The following DYNC2I2 variants were observed in gnomAD, a reference collection of about 807,000 sequenced individuals.
DYNC2I2 encodes dynein 2 intermediate chain 2.
Under a neutral mutation model 52.0 loss-of-function variants are expected in DYNC2I2, and 39 were observed. That is an observed-to-expected ratio of 0.75 (90% CI 0.58 to 0.98). The LOEUF (loss-of-function observed/expected upper bound fraction) is 0.98, where lower values mean the gene tolerates loss of function less well. DYNC2I2 is among the 50% of genes least tolerant of loss of function. The pLI, the probability that DYNC2I2 is intolerant of heterozygous loss-of-function variation, is 0.00. For missense variants in DYNC2I2, 743 were observed against 728.4 expected, an observed-to-expected ratio of 1.02 and a Z score of -0.23; for synonymous variants, 359 against 321.1, an observed-to-expected ratio of 1.12 and a Z score of -1.26.
chr9:128,633,959 G>C lies in DYNC2I2; in HGVS notation c.1396C>G (p.Gln466Glu). The C allele has an allele frequency of 6.2e-7, 1 of 1,613,052 alleles. No homozygotes were observed. Among genetic ancestry groups the C allele is most frequent in the Non-Finnish European group, 8.5e-7 (1 of 1,180,040 alleles). ...GKGDVQLFDL[Q>E]KSSQKPTVLI... ...ACTGTGGGTTTCTGGGAGCTTTTCT[G>C]GAGATCAAACAGCTGCACGTCACCT... The change falls in exon 9 of 9, where the codon CAG (glutamine) becomes GAG (glutamate). Residue 466 changes from glutamine (Q) to glutamate (E), a missense_variant. Physicochemically the swap from Gln to Glu is conservative, Grantham distance 29. Coordinates refer to ENST00000372715, the MANE Select transcript of DYNC2I2 (RefSeq NM_052844.4).
At chr9:128,639,357 C>T (rs558801606) in intron 2 of DYNC2I2, among the ~76,000 whole-genome samples, 373 of 152,050 alleles carry the variant, frequency 2.5e-3, no homozygotes, top group Middle Eastern at 6.8e-3. Context: ...AAGATCATGC[C>T]ACTGCACTCC....
intron 2 of DYNC2I2, among the ~76,000 whole-genome samples, chr9:128,637,391 G>A (rs1262309667): frequency 3.3e-5 from 5 of 152,202 alleles, no homozygotes; most frequent in African/African-American, 9.6e-5. Flanking sequence ...CGAACCACCC[G>A]ACGTCACGCT....
chr9:128,659,108 C>T (rs1030947921), upstream of DYNC2I2, among the ~76,000 whole-genome samples: 1 of 151,950 alleles, frequency 6.6e-6, no homozygotes, highest in African/African-American at 2.4e-5. Flanking sequence ...TCTCTCCACC[C>T]CATGGCCTCT....
chr9:128,683,002 A>G, the DYNC2I2 span, among the ~76,000 whole-genome samples: 1 of 146,012 alleles, frequency 6.8e-6, no homozygotes, highest in East Asian at 2.1e-4. Context: ...AAAAAAAAAA[A>G]GTCTTTTTTT....
chr9:128,653,609 G>A (rs962886473), intron 1 of DYNC2I2, among the ~76,000 whole-genome samples: 3 of 150,234 alleles, frequency 2.0e-5, no homozygotes, highest in Admixed American at 6.6e-5. Context: ...CCAGCTACTC[G>A]GGAAGCTGAG....
chr9:128,656,654 C>G lies in DYNC2I2; in HGVS notation c.73G>C (p.Gly25Arg). ...SAGVAALATV[G>R]VASGPGPGRP... ...CCCGGCCCCGGGCCGCTCGCAACCC[C>G]GACTGTCGCCAGCGCCGCAACACCA... Residue 25 changes from glycine (G) to arginine (R), a missense_variant, in exon 1 of 9, where the codon GGG becomes CGG. Transcript: ENST00000372715. The G allele has an allele frequency of 6.6e-7, 1 of 1,510,612 alleles. No individual in the cohort carries two copies. The highest frequency in any genetic ancestry group is 8.8e-7 in the Non-Finnish European group (1 of 1,138,186). 93.6% of individuals were successfully genotyped at this position (1,510,612 alleles called of 1,614,324 possible). A position where few individuals can be genotyped will look rare whatever the true frequency, so the allele number is the denominator to read the frequency against.
At chr9:128,654,417 C>CT (rs1272062456) in intron 1 of DYNC2I2, among the ~76,000 whole-genome samples, 1 of 152,168 alleles carries the variant, frequency 6.6e-6, no homozygotes, top group Non-Finnish European at 1.5e-5. Flanking sequence ...TTACAATACT[C>CT]TGACAGCCCC....
At chr9:128,674,329 T>C in the DYNC2I2 span, among the ~76,000 whole-genome samples, 1 of 151,892 alleles carries the variant, frequency 6.6e-6, no homozygotes, top group Non-Finnish European at 1.5e-5. Flanking sequence ...AGAGATGGGG[T>C]TTCACCGTGT....
At chr9:128,636,484 C>T (rs1329743941) in intron 3 of DYNC2I2, 46 bp from the exon 4 acceptor site, 1 of 1,552,886 alleles carries the variant, frequency 6.4e-7, no homozygotes, top group East Asian at 2.4e-5. Context: ...GGGTGGGGCT[C>T]CTATCACCCA....
intron 2 of DYNC2I2, among the ~76,000 whole-genome samples, chr9:128,637,398 C>G (rs367838586): frequency 6.6e-6 from 1 of 152,216 alleles, no homozygotes; most frequent in African/African-American, 2.4e-5. Flanking sequence ...CCCGACGTCA[C>G]GCTGTGCTAC....
chr9:128,641,219 C>T (rs558674773), intron 1 of DYNC2I2, among the ~76,000 whole-genome samples: 1 of 152,222 alleles, frequency 6.6e-6, no homozygotes, highest in South Asian at 2.1e-4. Context: ...GACCCTGCCC[C>T]AAGACTTTTG....
chr9:128,662,189 C>T, the DYNC2I2 span, among the ~76,000 whole-genome samples: 2 of 149,944 alleles, frequency 1.3e-5, no homozygotes, highest in Admixed American at 1.3e-4. Context: ...GCCGAGATTG[C>T]GCCATTGCAC....
At chr9:128,681,975 G>A in the DYNC2I2 span, among the ~76,000 whole-genome samples, 2 of 152,124 alleles carry the variant, frequency 1.3e-5, no homozygotes, top group Non-Finnish European at 2.9e-5. Flanking sequence ...AGGAGGCTGA[G>A]ACAGGAGAAT....
intron 1 of DYNC2I2, chr9:128,652,079 AC>A (rs1309154143): frequency 6.6e-6 from 1 of 152,008 alleles, no homozygotes; most frequent in Non-Finnish European, 1.5e-5. Context: ...ACAGAAACTG[AC>A]CAGATTGGCT....
intron 1 of DYNC2I2, among the ~76,000 whole-genome samples, chr9:128,642,449 T>G (rs117104913): frequency 0.21 from 15,503 of 74,784 alleles, 1,530 homozygotes; most frequent in African/African-American, 0.36. Flanking sequence ...GTAGGAGACT[T>G]TCTCAAAAAA....
chr9:128,651,447 G>A (rs1860711940), intron 1 of DYNC2I2: 1 of 55,458 alleles, frequency 1.8e-5, no homozygotes, highest in African/African-American at 3.6e-5. Flanking sequence ...CAGGAGAATC[G>A]CTTAAACCCG....
upstream of DYNC2I2, among the ~76,000 whole-genome samples, chr9:128,661,267 T>C (rs1267142838): frequency 7.3e-6 from 1 of 136,696 alleles, no homozygotes; most frequent in African/African-American, 2.8e-5. Flanking sequence ...GCTACCCCAC[T>C]GCACTCCAGT....
In DYNC2I2 at chr9:128,636,987, G is replaced by A. The variant is rs770478188; in HGVS notation, c.476C>T (p.Ala159Val). 2.5e-6 allele frequency: 4 copies of A among 1,613,320 alleles called. No homozygotes were observed. Among genetic ancestry groups the A allele is most frequent in the African/African-American group, 2.7e-5 (2 of 74,934 alleles). Residue 159 changes from alanine to valine, a missense_variant, in exon 3 of 9, where the codon GCG (alanine) becomes GTG (valine). Ala to Val is a moderately conservative substitution (Grantham distance 64, BLOSUM62 0). Transcript: ENST00000372715. The stretch of plus-strand genomic sequence containing the variant: ...GATGCTGGTCACATGCAGACCCTGC[G>A]CTTGGGCTGGCGGGTAGCCCAGGGT... ...LYTLGYPPAQ[A>V]QGLHVTSISW...
chr9:128,680,820 G>A, the DYNC2I2 span, among the ~76,000 whole-genome samples: 9 of 152,010 alleles, frequency 5.9e-5, no homozygotes, highest in South Asian at 1.2e-3. Context: ...GATTACAGGC[G>A]TGTGCCACCA....
Sources: allele counts gnomAD v4.1 joint callset (sites outside exome capture counted in the v4.1 genomes callset), GRCh38; gene constraint gnomAD v4.1.1; transcripts MANE v1.5; gene names NCBI Gene and HGNC (gene_info 2026-07-23, HGNC 2026-07-21).